The following GPATCH8 variants were observed in gnomAD, a reference collection of about 807,000 sequenced individuals.
GPATCH8 encodes the protein G-patch domain containing 8.
In GPATCH8, 18 loss-of-function variants were observed where a neutral mutation model predicts 118.3. The observed-to-expected ratio is 0.15, with a 90% CI of 0.11 to 0.23. The LOEUF (loss-of-function observed/expected upper bound fraction) is 0.23, where lower values mean the gene tolerates loss of function less well. Among genes scored for constraint, GPATCH8 ranks in the 10% least tolerant of loss-of-function variants. The pLI is 1.00. For missense variants in GPATCH8, 1,631 were observed against 1,873.8 expected (o/e 0.87, Z 2.39); for synonymous variants, 659 against 684.7 (o/e 0.96, Z 0.59).
At chr17:44,476,017 G>A (rs796934001) in intron 1 of GPATCH8, among the ~76,000 whole-genome samples, 4 of 151,904 alleles carry the variant, frequency 2.6e-5, no homozygotes, top group African/African-American at 4.9e-5. Flanking sequence ...GGGACAGAAC[G>A]AGATCCTATT....
At chr17:44,488,928 A>C (rs1969011490) in intron 1 of GPATCH8, among the ~76,000 whole-genome samples, 1 of 151,602 alleles carries the variant, frequency 6.6e-6, no homozygotes, top group South Asian at 2.1e-4. Flanking sequence ...CTCTACAAAA[A>C]TAAAAAAATT....
At chr17:44,412,250 G>A (rs1473333981) in intron 6 of GPATCH8, among the ~76,000 whole-genome samples, 1 of 152,102 alleles carries the variant, frequency 6.6e-6, no homozygotes, top group Non-Finnish European at 1.5e-5. Flanking sequence ...TTAGTTGGGC[G>A]CAGTGGTTAT....
At chr17:44,493,054 G>GGTTTTTT (rs775184598) in intron 1 of GPATCH8, among the ~76,000 whole-genome samples, 1 of 124,390 alleles carries the variant, frequency 8.0e-6, no homozygotes, top group Non-Finnish European at 1.6e-5. Flanking sequence ...AAGCCATTAG[G>GGTTTTTT]TTTTTTTTTT....
intron 6 of GPATCH8, among the ~76,000 whole-genome samples, chr17:44,409,604 T>C (rs1384527451): frequency 2.6e-5 from 4 of 152,198 alleles, no homozygotes; most frequent in Admixed American, 6.5e-5. Context: ...GTGTAAAGCA[T>C]CGGAGTCAGA....
intron 6 of GPATCH8, among the ~76,000 whole-genome samples, chr17:44,417,211 AAGTAAG>A (rs1377935427): frequency 2.6e-5 from 4 of 152,160 alleles, no homozygotes; most frequent in Non-Finnish European, 5.9e-5. Flanking sequence ...GTCAAGTGTC[AAGTAAG>A]AGTAAGTAAT....
intron 1 of GPATCH8, among the ~76,000 whole-genome samples, chr17:44,496,601 A>G (rs1386306703): frequency 6.6e-6 from 1 of 152,202 alleles, no homozygotes; most frequent in East Asian, 1.9e-4. Flanking sequence ...CTATCACAAG[A>G]AGAATTAAAG....
At chr17:44,477,069 T>C (rs987003579) in intron 1 of GPATCH8, among the ~76,000 whole-genome samples, 2 of 152,208 alleles carry the variant, frequency 1.3e-5, no homozygotes, top group African/African-American at 4.8e-5. Flanking sequence ...TGTGGAAAGA[T>C]ATGATAACTT....
chr17:44,491,375 G>C (rs1969229038), intron 1 of GPATCH8, among the ~76,000 whole-genome samples: 1 of 151,796 alleles, frequency 6.6e-6, no homozygotes, highest in Non-Finnish European at 1.5e-5. Context: ...TGTAATCCCA[G>C]CTGCTTGGGA....
At chr17:44,456,621 G>GA (rs962827907) in intron 3 of GPATCH8, among the ~76,000 whole-genome samples, 25 of 142,208 alleles carry the variant, frequency 1.8e-4, no homozygotes, top group Non-Finnish European at 2.2e-4. Context: ...ATCTCCAATG[G>GA]AAAAAAAAAA....
At chr17:44,444,602 G>A (rs1022424190) in intron 3 of GPATCH8, among the ~76,000 whole-genome samples, 9 of 152,122 alleles carry the variant, frequency 5.9e-5, no homozygotes, top group East Asian at 1.9e-4. Context: ...GCAAAACCTC[G>A]TCTGCATTTA....
intron 1 of GPATCH8, among the ~76,000 whole-genome samples, chr17:44,498,171 AC>A (rs1163951723): frequency 6.6e-5 from 10 of 152,148 alleles, no homozygotes; most frequent in African/African-American, 2.4e-4. Context: ...CCTTTGCAGT[AC>A]TCTAATGAGA....
At chr17:44,446,271 A>T (rs2050877141) in intron 3 of GPATCH8, among the ~76,000 whole-genome samples, 3 of 151,928 alleles carry the variant, frequency 2.0e-5, no homozygotes, top group Admixed American at 2.0e-4. Context: ...TGATCCAAAA[A>T]TAGAGGAGTT....
At chr17:44,415,150 C>A (rs1466841378) in intron 6 of GPATCH8, among the ~76,000 whole-genome samples, 1 of 152,178 alleles carries the variant, frequency 6.6e-6, no homozygotes, top group Admixed American at 6.5e-5. Context: ...TTTCCACTAT[C>A]TTTTCACTAT....
intron 3 of GPATCH8, among the ~76,000 whole-genome samples, chr17:44,440,756 C>T (rs535515045): frequency 6.6e-6 from 1 of 152,342 alleles, no homozygotes; most frequent in Non-Finnish European, 1.5e-5. Context: ...CCTCAGGAAT[C>T]AGTTCTGATT....
At chr17:44,475,375 A>T (rs933200341) in intron 1 of GPATCH8, among the ~76,000 whole-genome samples, 2 of 147,892 alleles carry the variant, frequency 1.4e-5, no homozygotes, top group Non-Finnish European at 1.5e-5. Context: ...ACGAGACTCC[A>T]TCTCAAAAAA....
intron 2 of GPATCH8, among the ~76,000 whole-genome samples, chr17:44,472,715 A>T (rs1430803100): frequency 6.6e-6 from 1 of 151,986 alleles, no homozygotes; most frequent in Non-Finnish European, 1.5e-5. Flanking sequence ...TTTGTTTTTG[A>T]GATGGAGTCT....
chr17:44,499,644 C>T (rs1016966278), intron 1 of GPATCH8, among the ~76,000 whole-genome samples: 1 of 152,204 alleles, frequency 6.6e-6, no homozygotes, highest in Non-Finnish European at 1.5e-5. Flanking sequence ...GTATAGCTAG[C>T]TGTACATCAC....
At chr17:44,464,200 A>C (rs1297677659) in intron 3 of GPATCH8, among the ~76,000 whole-genome samples, 1 of 152,186 alleles carries the variant, frequency 6.6e-6, no homozygotes, top group Non-Finnish European at 1.5e-5. Flanking sequence ...CCTCCACCAA[A>C]AAAAAAATTT....
chr17:44,417,246 C>T (rs575097220), intron 6 of GPATCH8, among the ~76,000 whole-genome samples: 1 of 152,206 alleles, frequency 6.6e-6, no homozygotes, highest in South Asian at 2.1e-4. Context: ...AAAGCAGATG[C>T]AAACAGTTTA....
Sources: gnomAD v4.1 joint callset for allele counts (sites outside exome capture counted in the v4.1 genomes callset) on GRCh38, gnomAD v4.1.1 for gene constraint, MANE v1.5 for transcripts, NCBI Gene and HGNC (gene_info 2026-07-23, HGNC 2026-07-21) for gene names.